MYO18A: variants seen among roughly 807,000 people sequenced by gnomAD.
MYO18A encodes unconventional myosin-XVIIIa.
In MYO18A, 78 loss-of-function variants were observed where a neutral mutation model predicts 235.8. The ratio of observed to expected loss-of-function variants is 0.33; its 90% confidence interval spans 0.28 to 0.40. MYO18A has a LOEUF of 0.40. Ranked by LOEUF, MYO18A falls within the 10% of genes least tolerant of loss-of-function variation. The probability of loss-of-function intolerance (pLI) is 1.00; values close to 1 mark genes in which losing one functional copy is unlikely to be tolerated. For missense variants in MYO18A, 2,215 were observed against 2,699.3 expected, an observed-to-expected ratio of 0.82 and a Z score of 3.98; for synonymous variants, 977 against 1,077.8, an observed-to-expected ratio of 0.91 and a Z score of 1.83.
In MYO18A at chr17:29,115,827, C is replaced by T. The variant is rs1157789688; in HGVS notation, c.2064G>A (p.Gln688=). ...TKEAAEAGRK[Q]FARHEWAQKA... ...TCTGGGCCCACTCATGGCGGGCAAA[C>T]TGCTTGCGCCCAGCTGTGGAGTGGA... is the stretch of plus-strand genomic sequence containing the variant. The change falls in exon 12 of 42, where the codon CAG becomes CAA. Residue 688 remains glutamine, a synonymous_variant. Coordinates refer to ENST00000527372, the MANE Select transcript of MYO18A (RefSeq NM_078471.4). The T allele has an allele frequency of 1.1e-5, 18 of 1,580,044 alleles. No individual in the cohort carries two copies. In the Admixed American group the frequency reaches 3.3e-4, roughly 29 times the overall value.
chr17:29,080,743 C>T, intron 41 of MYO18A: 1 of 985,612 alleles, frequency 1.0e-6, no homozygotes, highest in East Asian at 1.1e-4. Context: ...AGCGCGCCCC[C>T]CGGTCCCCGA....
At chr17:29,145,559 C>T (rs1405942411) in intron 2 of MYO18A, among the ~76,000 whole-genome samples, 5 of 152,276 alleles carry the variant, frequency 3.3e-5, no homozygotes, top group African/African-American at 1.2e-4. Context: ...TTTCAGCTTC[C>T]CCACCACAGA....
intron 2 of MYO18A, among the ~76,000 whole-genome samples, chr17:29,134,568 G>C (rs2067550877): frequency 1.3e-5 from 2 of 151,944 alleles, no homozygotes; most frequent in South Asian, 2.1e-4. Flanking sequence ...TGTTGCCCAG[G>C]CTGGAGTACA....
In MYO18A at chr17:29,121,830, C is replaced by G; in HGVS notation, c.1194+21G>C. 1.2e-6 allele frequency: 2 copies of G among 1,613,268 alleles called. No homozygotes were observed. Among genetic ancestry groups the G allele is most frequent in the Non-Finnish European group, 1.7e-6 (2 of 1,179,356 alleles). On this transcript the variant is annotated intron_variant, in intron 4 of 41. Coordinates refer to ENST00000527372, the MANE Select transcript of MYO18A (RefSeq NM_078471.4). The surrounding 1 kb of genome is among the most constrained non-coding windows in gnomAD (Gnocchi z 4.2). ...GCACTCCTGAGCCTCCTCCCCCACA[C>G]CCAGCCCCCTGCCCACCTACCTTCT...
At position 29,126,477 on chromosome 17, in the gene MYO18A, T is replaced by C. The variant is rs1332668626; in HGVS notation, c.1000-4224A>G. On this transcript the variant is annotated intron_variant, in intron 2 of 41. Coordinates refer to ENST00000527372, the MANE Select transcript of MYO18A (RefSeq NM_078471.4). This position sits in a 1 kb window ranked among gnomAD's most constrained non-coding sequence, Gnocchi z 4.1. ...CTGTGAGCAGGAACAGGCACTTCCCTGATTCACAGAGTGGGCCAGGTGGGT... is the reference window on the plus strand; with the variant it reads ...CTGTGAGCAGGAACAGGCACTTCCCCGATTCACAGAGTGGGCCAGGTGGGT... 6.6e-6 allele frequency among the ~76,000 whole-genome samples: 1 copy of C among 152,154 alleles called. No homozygotes were observed. The highest frequency in any genetic ancestry group is 1.5e-5 in the Non-Finnish European group (1 of 68,012).
intron 39 of MYO18A, among the ~76,000 whole-genome samples, 173 bp from the exon 40 acceptor site, chr17:29,085,821 T>C (rs1274693982): frequency 6.6e-6 from 1 of 152,190 alleles, no homozygotes; most frequent in Non-Finnish European, 1.5e-5. Context: ...CAAAATCTGA[T>C]GCGGGCTGCC....
chr17:29,128,191 G>A (rs1194592352), intron 2 of MYO18A: 25 of 1,154,998 alleles, frequency 2.2e-5, no homozygotes, highest in Non-Finnish European at 2.6e-5. Flanking sequence ...GCGGAGCAGG[G>A]GGAGGTGGGG....
At position 29,087,381 on chromosome 17, in the gene MYO18A, TATC is replaced by T. The variant is rs556530558; in HGVS notation, c.5527-263_5527-261del. Among the ~76,000 whole-genome samples, 162 of 152,290 alleles carry T rather than the reference TATC, an allele frequency of 1.1e-3. 1 individual carries two copies. The highest frequency in any genetic ancestry group is 3.7e-3 in the South Asian group (18 of 4,824). ...CACTCTGAAAGATGAAAGGTGCTATTATCATTATTACTACACCAAGACTGAGGG... is the reference window on the plus strand; with the variant it reads ...CACTCTGAAAGATGAAAGGTGCTATTATTATTACTACACCAAGACTGAGGG... On this transcript the variant is annotated intron_variant, in intron 37 of 41. Coordinates refer to ENST00000527372, the MANE Select transcript of MYO18A (RefSeq NM_078471.4).
rs960011071 is a variant in MYO18A at position 29,110,567 on chromosome 17, C to T, written c.2956G>A (p.Gly986Ser). ...CCGCCCTCCAGGCCCGCGATGGAGC[C>T]AGAGAGCACCGTGGCACTGCCTGCG... The part of the protein sequence containing the change: ...GRAGSATVLS[G>S]SIAGLEGGSQ... The change falls in exon 18 of 42, where the codon GGC (glycine) becomes AGC (serine). Residue 986 changes from glycine to serine, a missense_variant. By Grantham distance (56) the Gly-to-Ser change is moderately conservative. Transcript: ENST00000527372. 1.2e-6 allele frequency: 2 copies of T among 1,612,784 alleles called. No homozygotes were observed. Among genetic ancestry groups the T allele is most frequent in the African/African-American group, 2.7e-5 (2 of 74,916 alleles).
In MYO18A at chr17:29,086,919, G is replaced by A. The variant is rs769012459; in HGVS notation, c.5712+17C>T. On this transcript the variant is annotated intron_variant, in intron 38 of 41. Transcript: ENST00000527372. ...AGGGGCTGCCATGTGGGCCCCGTGG[G>A]GGACAGGGGGCATTACCAGTTCGTG... The A allele has an allele frequency of 1.2e-6, 2 of 1,605,462 alleles. No homozygotes were observed. Among genetic ancestry groups the A allele is most frequent in the African/African-American group, 2.7e-5 (2 of 74,778 alleles).
At chr17:29,162,456 G>GT (rs2068194146) in intron 2 of MYO18A, among the ~76,000 whole-genome samples, 1 of 152,140 alleles carries the variant, frequency 6.6e-6, no homozygotes, top group Non-Finnish European at 1.5e-5. Flanking sequence ...GCATGTGTTT[G>GT]TGACAGTGTT....
chr17:29,080,258 C>G (rs1195632490), intron 41 of MYO18A: 1 of 985,832 alleles, frequency 1.0e-6, no homozygotes, highest in Non-Finnish European at 1.2e-6. Context: ...CTCAAGACCT[C>G]GTTGACGGCA....
intron 21 of MYO18A, 116 bp from the exon 22 acceptor site, chr17:29,099,878 G>A: frequency 1.4e-6 from 2 of 1,394,608 alleles, no homozygotes; most frequent in South Asian, 1.4e-5. Context: ...CCTTGGCTTG[G>A]GAAGAGCCTC....
At chr17:29,095,156 G>A in intron 28 of MYO18A, 97 bp from the exon 29 acceptor site, 1 of 1,439,192 alleles carries the variant, frequency 6.9e-7, no homozygotes, top group East Asian at 2.5e-5. Flanking sequence ...GACTCAAGCA[G>A]GGGTGGGGGG....
intron 2 of MYO18A, among the ~76,000 whole-genome samples, chr17:29,132,377 C>A (rs914529156): frequency 4.6e-5 from 7 of 152,242 alleles, no homozygotes; most frequent in Non-Finnish European, 1.0e-4. Context: ...GTATCTCTCC[C>A]TCCAAAAGCT....
intron 1 of MYO18A, among the ~76,000 whole-genome samples, chr17:29,168,468 A>AT (rs1365403959): frequency 6.6e-5 from 10 of 150,640 alleles, no homozygotes; most frequent in African/African-American, 2.4e-4. Context: ...ATTAAATGAC[A>AT]TTTTTTCTCT....
intron 2 of MYO18A, among the ~76,000 whole-genome samples, chr17:29,146,660 A>C (rs1238672920): frequency 3.3e-5 from 5 of 152,242 alleles, no homozygotes; most frequent in African/African-American, 1.2e-4. Context: ...ATCTCTATCC[A>C]CACAACTAGA....
chr17:29,133,068 C>G (rs539095), intron 2 of MYO18A, among the ~76,000 whole-genome samples: 1 of 152,248 alleles, frequency 6.6e-6, no homozygotes, highest in African/African-American at 2.4e-5. Flanking sequence ...CAAGTCCACT[C>G]TGTGTTCTTC....
intron 2 of MYO18A, among the ~76,000 whole-genome samples, chr17:29,138,824 GCC>G (rs2067667754): frequency 6.6e-6 from 1 of 152,168 alleles, no homozygotes; most frequent in African/African-American, 2.4e-5. Flanking sequence ...ATGGAGGCAC[GCC>G]CTGCCCTCCA....
Sources: allele counts gnomAD v4.1 joint callset (sites outside exome capture counted in the v4.1 genomes callset), GRCh38; gene constraint gnomAD v4.1.1; non-coding constraint Gnocchi (gnomAD v3.1); transcripts MANE v1.5; gene names NCBI Gene and HGNC (gene_info 2026-07-23, HGNC 2026-07-21).